TMIGD3: variants seen among roughly 807,000 people sequenced by gnomAD.
The protein encoded by TMIGD3 is transmembrane and immunoglobulin domain containing 3, also known as AD026 protein (AD026).
TMIGD3 carries 21 observed loss-of-function variants against 28.1 expected under a neutral mutation model. The observed-to-expected ratio is 0.75, with a 90% CI of 0.53 to 1.08. The LOEUF (loss-of-function observed/expected upper bound fraction) is 1.08, where lower values mean the gene tolerates loss of function less well. Among genes scored for constraint, TMIGD3 ranks in the 50% least tolerant of loss-of-function variants. The pLI is 0.00. For missense variants in TMIGD3, 416 were observed against 435.6 expected, an observed-to-expected ratio of 0.96 and a Z score of 0.40; for synonymous variants, 151 against 162.1, an observed-to-expected ratio of 0.93 and a Z score of 0.52.
intron 1 of TMIGD3, among the ~76,000 whole-genome samples, chr1:111,525,602 G>C (rs1266867911): frequency 1.3e-5 from 2 of 152,140 alleles, no homozygotes; most frequent in African/African-American, 2.4e-5. Flanking sequence ...AGTGGCTCAC[G>C]CCTGTAATCT....
chr1:111,527,645 T>A (rs1481190711), intron 1 of TMIGD3, among the ~76,000 whole-genome samples: 2 of 152,378 alleles, frequency 1.3e-5, no homozygotes, highest in Admixed American at 6.5e-5. Context: ...ATGCATCCTG[T>A]TCTATATCCT....
intron 1 of TMIGD3, among the ~76,000 whole-genome samples, chr1:111,555,573 A>G (rs1210123988): frequency 1.3e-5 from 2 of 152,080 alleles, no homozygotes; most frequent in African/African-American, 4.8e-5. Flanking sequence ...AATGGAAACT[A>G]CAAAATATTA....
chr1:111,488,395 T>C (rs1654488382), intron 3 of TMIGD3, among the ~76,000 whole-genome samples: 1 of 152,246 alleles, frequency 6.6e-6, no homozygotes, highest in African/African-American at 2.4e-5. Flanking sequence ...TATTAGACCC[T>C]GTCAGCCTCT....
At chr1:111,532,022 A>G (rs538813786) in intron 1 of TMIGD3, among the ~76,000 whole-genome samples, 1 of 152,172 alleles carries the variant, frequency 6.6e-6, no homozygotes, top group Non-Finnish European at 1.5e-5. Flanking sequence ...ACAATACCTA[A>G]GTATTCTACC....
At chr1:111,510,212 C>T (rs1655642655) in intron 1 of TMIGD3, among the ~76,000 whole-genome samples, 1 of 152,228 alleles carries the variant, frequency 6.6e-6, no homozygotes, top group African/African-American at 2.4e-5. Context: ...TCTACACTCC[C>T]TACCCGCAAC....
At position 111,503,265 on chromosome 1, in the gene TMIGD3, G is replaced by A. The variant is rs771840566; in HGVS notation, c.90C>T (p.Asn30=). The A allele has an allele frequency of 9.3e-6, 15 of 1,614,102 alleles. No homozygotes were observed. The African/African-American group carries it at 1.2e-4, about 13-fold the overall frequency. The change falls in exon 1 of 6, where the codon AAC becomes AAT. Residue 30 remains asparagine (N), a synonymous_variant. Transcript: ENST00000369716. ...GCTTGACCACGCAGATGACCAGCAC[G>A]TTGCCCACTATGGCGCAGAGTCCAA... is the stretch of plus-strand genomic sequence containing the variant. The part of the protein sequence containing the change: ...IFIGLCAIVG[N]VLVICVVKLN...
chr1:111,544,019 G>A (rs1057200737), intron 1 of TMIGD3, among the ~76,000 whole-genome samples: 1 of 152,136 alleles, frequency 6.6e-6, no homozygotes, highest in African/African-American at 2.4e-5. Flanking sequence ...GCATCTATTG[G>A]AAGTCATAGT....
At chr1:111,538,912 A>G (rs1202537902) in intron 1 of TMIGD3, among the ~76,000 whole-genome samples, 4 of 152,112 alleles carry the variant, frequency 2.6e-5, no homozygotes, top group African/African-American at 4.8e-5. Flanking sequence ...AGTCTACTCT[A>G]TTACATGTGA....
intron 3 of TMIGD3, among the ~76,000 whole-genome samples, chr1:111,487,010 G>A (rs893754280): frequency 3.3e-5 from 5 of 152,196 alleles, no homozygotes; most frequent in African/African-American, 7.2e-5. Flanking sequence ...CTCCCCATAG[G>A]AGGGGATGCC....
chr1:111,494,683 G>T (rs1654813231), intron 1 of TMIGD3, among the ~76,000 whole-genome samples: 1 of 152,126 alleles, frequency 6.6e-6, no homozygotes, highest in Non-Finnish European at 1.5e-5. Flanking sequence ...AGCCCAAATA[G>T]CTAAGGCAAT....
chr1:111,498,043 C>A (rs1490205332), intron 1 of TMIGD3, among the ~76,000 whole-genome samples: 2 of 152,094 alleles, frequency 1.3e-5, no homozygotes, highest in African/African-American at 4.8e-5. Flanking sequence ...CTGGAAGTGC[C>A]TTTTAAATAC....
At chr1:111,547,383 T>C (rs1417237755) in intron 1 of TMIGD3, among the ~76,000 whole-genome samples, 1 of 152,140 alleles carries the variant, frequency 6.6e-6, no homozygotes, top group Non-Finnish European at 1.5e-5. Flanking sequence ...TAATATTATA[T>C]TGATTAATTT....
intron 1 of TMIGD3, among the ~76,000 whole-genome samples, chr1:111,556,071 C>T (rs533838691): frequency 6.2e-4 from 95 of 152,166 alleles, no homozygotes; most frequent in African/African-American, 2.2e-3. Context: ...TCAACAATGA[C>T]AACAACAAAA....
intron 1 of TMIGD3, among the ~76,000 whole-genome samples, chr1:111,541,145 C>T (rs1656809067): frequency 6.6e-6 from 1 of 152,192 alleles, no homozygotes; most frequent in Non-Finnish European, 1.5e-5. Context: ...TCCAATAAAA[C>T]TTTATTTACA....
intron 1 of TMIGD3, among the ~76,000 whole-genome samples, chr1:111,539,599 G>A (rs2101022164): frequency 6.6e-6 from 1 of 152,178 alleles, no homozygotes; most frequent in South Asian, 2.1e-4. Flanking sequence ...CCTGGCCTAT[G>A]CTATTATATT....
At chr1:111,550,796 A>G (rs988778426) in intron 1 of TMIGD3, among the ~76,000 whole-genome samples, 34 of 152,200 alleles carry the variant, frequency 2.2e-4, no homozygotes, top group African/African-American at 8.0e-4. Context: ...CACCCAGCCC[A>G]ATTTCATCTT....
chr1:111,503,401 A>G lies in TMIGD3; in HGVS notation c.-47T>C, dbSNP rs771011172. 2 of 1,554,736 alleles carry G rather than the reference A, an allele frequency of 1.3e-6. No individual in the cohort carries two copies. Among genetic ancestry groups the G allele is most frequent in the Non-Finnish European group, 1.7e-6 (2 of 1,146,234 alleles). On this transcript the variant is annotated 5_prime_UTR_variant, in exon 1 of 6. Coordinates refer to ENST00000369716, the MANE Select transcript of TMIGD3 (RefSeq NM_020683.7). ...CCACAGGGACAGGTGAGCCAGCAAGATCCGTCTGTAGGGCCAGTGGGCCTA... is the reference window on the plus strand; with the variant it reads ...CCACAGGGACAGGTGAGCCAGCAAGGTCCGTCTGTAGGGCCAGTGGGCCTA...
At chr1:111,516,589 T>C (rs532422800) in intron 1 of TMIGD3, among the ~76,000 whole-genome samples, 1 of 152,256 alleles carries the variant, frequency 6.6e-6, no homozygotes, top group Admixed American at 6.5e-5. Context: ...GGACACACAA[T>C]GACACCAACT....
rs745454552 is a variant in TMIGD3 at position 111,500,543 on chromosome 1, T to C, written c.350+2462A>G. On this transcript the variant is annotated intron_variant, in intron 1 of 5. Coordinates refer to ENST00000369716, the MANE Select transcript of TMIGD3 (RefSeq NM_020683.7). Reference sequence around the variant, plus strand: ...GCCAGCCATATTCTTCTGTGAGTGGTGACCCTCTTGTATCTGTGTGAATGA... The same window carrying C: ...GCCAGCCATATTCTTCTGTGAGTGGCGACCCTCTTGTATCTGTGTGAATGA... 8 of 1,614,102 alleles carry C rather than the reference T, an allele frequency of 5.0e-6. No homozygotes were observed. In the Admixed American group the frequency reaches 1.2e-4, roughly 24 times the overall value.
Sources: gnomAD v4.1 joint callset for allele counts (sites outside exome capture counted in the v4.1 genomes callset) on GRCh38, gnomAD v4.1.1 for gene constraint, MANE v1.5 for transcripts, NCBI Gene and HGNC (gene_info 2026-07-23, HGNC 2026-07-21) for gene names.